TRDN: variants seen among roughly 807,000 people sequenced by gnomAD.
TRDN encodes triadin in skeletal muscle.
Under a neutral mutation model 149.7 loss-of-function variants are expected in TRDN, and 161 were observed. The ratio of observed to expected loss-of-function variants is 1.08; its 90% CI spans 0.95 to 1.23. The LOEUF (loss-of-function observed/expected upper bound fraction) is 1.23, where lower values mean the gene tolerates loss of function less well. TRDN is among the 50% of genes most tolerant of loss of function. TRDN has a pLI of 0.00. For missense variants in TRDN, 896 were observed against 823.5 expected, an observed-to-expected ratio of 1.09 and a Z score of -1.08; for synonymous variants, 294 against 250.5, an observed-to-expected ratio of 1.17 and a Z score of -1.64.
chr6:123,352,358 G>C, intron 21 of TRDN, 181 bp downstream of exon 21: 1 of 985,082 alleles, frequency 1.0e-6, no homozygotes, highest in Non-Finnish European at 1.2e-6. Context: ...TTACACAAAA[G>C]AAAGACCAAC....
At chr6:123,440,968 CATGA>C (rs1774845281) in intron 10 of TRDN, 1 of 151,814 alleles carries the variant, frequency 6.6e-6, no homozygotes, top group Non-Finnish European at 1.5e-5. Context: ...CTGTGAGAGT[CATGA>C]ATAAGAGCAG....
At chr6:123,628,927 A>C (rs1345090005) in intron 1 of TRDN, among the ~76,000 whole-genome samples, 2 of 152,160 alleles carry the variant, frequency 1.3e-5, no homozygotes, top group African/African-American at 4.8e-5. Flanking sequence ...GTTATATTTC[A>C]GATGGAGGTA....
At chr6:123,528,624 A>G (rs1780066457) in intron 5 of TRDN, 1 of 985,558 alleles carries the variant, frequency 1.0e-6, no homozygotes, top group Non-Finnish European at 1.2e-6. Flanking sequence ...ACATACAACC[A>G]TAACTGACAT....
At chr6:123,244,131 A>T (rs997706462) in intron 38 of TRDN, among the ~76,000 whole-genome samples, 18 of 152,218 alleles carry the variant, frequency 1.2e-4, no homozygotes, top group Non-Finnish European at 1.5e-5. Context: ...ATCCACGAAG[A>T]TGAGAAAAAG....
rs568940635 is a variant in TRDN at position 123,597,735 on chromosome 6, T to C, written c.23-26603A>G. Among the ~76,000 whole-genome samples the C allele has an allele frequency of 3.3e-5, 5 of 152,214 alleles. No homozygotes were observed. In the South Asian group the frequency reaches 1.0e-3, roughly 32 times the overall value. ...GACTTGCTGAAGGCTTTGATGTTTGTTAGCAGTTTTTAGAAATAAAGTATT... is the reference window on the plus strand; with the variant it reads ...GACTTGCTGAAGGCTTTGATGTTTGCTAGCAGTTTTTAGAAATAAAGTATT... On this transcript the variant is annotated intron_variant, in intron 1 of 40. Transcript: ENST00000334268.
At position 123,409,303 on chromosome 6, in the gene TRDN, T is replaced by C. The variant is rs78129766; in HGVS notation, c.1052-15626A>G. Among the ~76,000 whole-genome samples, 1,104 of 152,264 alleles carry C rather than the reference T, an allele frequency of 7.3e-3. 14 individuals carry two copies. The highest frequency in any genetic ancestry group is 0.025 in the African/African-American group (1,040 of 41,548). On this transcript the variant is annotated intron_variant, in intron 12 of 40. Transcript: ENST00000334268. ...ATATTCTTCAATTTAGCCCACAAAA[T>C]GGGTAGTAGTCAGCAACACAGCTTT... is the stretch of plus-strand genomic sequence containing the variant.
rs1027624615 is a variant in TRDN, at chr6:123,635,565, G to A, written c.22+1189C>T. Among the ~76,000 whole-genome samples, 3 of 151,822 alleles carry A rather than the reference G, an allele frequency of 2.0e-5. No individual in the cohort carries two copies. The South Asian group carries it at 6.2e-4, about 31-fold the overall frequency. The stretch of plus-strand genomic sequence containing the variant: ...TCTCAGTAATTGTTATTAATACGAG[G>A]TGTCAGACTGAATTTCTCAGTGCAA... On this transcript the variant is annotated intron_variant, in intron 1 of 40. Transcript: ENST00000334268.
intron 8 of TRDN, among the ~76,000 whole-genome samples, chr6:123,499,307 C>T (rs957267960): frequency 6.6e-6 from 1 of 152,100 alleles, no homozygotes; most frequent in African/African-American, 2.4e-5. Flanking sequence ...AAAATCTTCA[C>T]GCTTCAGAGA....
chr6:123,254,495 C>T lies in TRDN; in HGVS notation c.1951+586G>A, dbSNP rs180683842. Among the ~76,000 whole-genome samples the T allele has an allele frequency of 3.2e-3, 488 of 151,940 alleles. 4 individuals are homozygous for T. The highest frequency in any genetic ancestry group is 0.011 in the African/African-American group (455 of 41,480). On this transcript the variant is annotated intron_variant, in intron 37 of 40. Transcript: ENST00000334268. ...ACCTAGCACCTTCGAATTTAAAGCA[C>T]TTTTTTAAAGTAATTGAATTTCCCT...
chr6:123,340,993 GTTTTA>G (rs1780045008), intron 21 of TRDN, among the ~76,000 whole-genome samples: 1 of 151,592 alleles, frequency 6.6e-6, no homozygotes, highest in African/African-American at 2.4e-5. Flanking sequence ...ATGTCTCTTT[GTTTTA>G]TTTTAATTCG....
chr6:123,574,597 T>C (rs1174911121), intron 1 of TRDN, among the ~76,000 whole-genome samples: 1 of 151,828 alleles, frequency 6.6e-6, no homozygotes, highest in African/African-American at 2.4e-5. Flanking sequence ...AAAGTTGATA[T>C]GTTGTAATCT....
In TRDN at chr6:123,394,007, T is replaced by C. The variant is rs897842075; in HGVS notation, c.1052-330A>G. 2.0e-5 allele frequency among the ~76,000 whole-genome samples: 3 copies of C among 152,140 alleles called. No individual in the cohort carries two copies. In the East Asian group the frequency reaches 5.8e-4, roughly 29 times the overall value. On this transcript the variant is annotated intron_variant, in intron 12 of 40. Coordinates refer to ENST00000334268, the MANE Select transcript of TRDN (RefSeq NM_006073.4). The stretch of plus-strand genomic sequence containing the variant: ...TTCTATTTAAATTATGTCTGTATTA[T>C]CAGCCCTTTGAAATCGATGGCACAT...
intron 9 of TRDN, chr6:123,469,850 A>C (rs1777050288): frequency 6.6e-6 from 1 of 152,330 alleles, no homozygotes; most frequent in South Asian, 2.1e-4. Flanking sequence ...GGAAGAAAGA[A>C]AGAAAACAAA....
Position 123,446,584 on chromosome 6 carries a change from CAAAAAAAAAAAAAA to C in TRDN, c.932-7595_932-7582del, listed in dbSNP as rs572029827. 3.4e-4 allele frequency among the ~76,000 whole-genome samples: 21 copies of C among 61,090 alleles called. 1 individual carries two copies. The Admixed American group carries it at 4.9e-3, about 14-fold the overall frequency. 40.1% of individuals were successfully genotyped at this position (61,090 alleles called of 152,430 possible). A position where few individuals can be genotyped will look rare whatever the true frequency, so the allele number is the denominator to read the frequency against. On this transcript the variant is annotated intron_variant, in intron 10 of 40. Coordinates refer to ENST00000334268, the MANE Select transcript of TRDN (RefSeq NM_006073.4). The stretch of plus-strand genomic sequence containing the variant: ...TGGGCAACAGAGCCAGATTCCATCT[CAAAAAAAAAAAAAA>C]AAAAAAAAAAAGAAGAGCTAGGCCT...
chr6:123,400,829 AAC>A (rs1158768000), intron 12 of TRDN, among the ~76,000 whole-genome samples: 1 of 152,208 alleles, frequency 6.6e-6, no homozygotes, highest in East Asian at 1.9e-4. Context: ...GAAAATAAGA[AAC>A]ACACACACCA....
At chr6:123,434,406 G>A (rs1390086950) in intron 12 of TRDN, among the ~76,000 whole-genome samples, 4 of 152,198 alleles carry the variant, frequency 2.6e-5, no homozygotes, top group Admixed American at 6.5e-5. Context: ...GAAGATGTTA[G>A]TAATCTGCTG....
chr6:123,580,819 T>C (rs376331947), intron 1 of TRDN, among the ~76,000 whole-genome samples: 1 of 152,234 alleles, frequency 6.6e-6, no homozygotes, highest in South Asian at 2.1e-4. Context: ...TCCTTTGTAG[T>C]TGGTGTTTCC....
intron 9 of TRDN, among the ~76,000 whole-genome samples, chr6:123,478,463 G>C (rs80262261): frequency 0.039 from 6,007 of 152,104 alleles, 348 homozygotes; most frequent in African/African-American, 0.12. Context: ...ATTTCTTTTA[G>C]TTATCTGAAC....
intron 39 of TRDN, among the ~76,000 whole-genome samples, chr6:123,222,196 T>A (rs1470231722): frequency 2.0e-5 from 3 of 150,948 alleles, no homozygotes; most frequent in Non-Finnish European, 4.4e-5. Flanking sequence ...TGTGAGAGAG[T>A]GTGTGTGTGT....
Sources: allele counts gnomAD v4.1 joint callset (sites outside exome capture counted in the v4.1 genomes callset), GRCh38; gene constraint gnomAD v4.1.1; transcripts MANE v1.5; gene names NCBI Gene and HGNC (gene_info 2026-07-23, HGNC 2026-07-21).